The following ADGRB1 variants were observed in gnomAD, a reference collection of about 807,000 sequenced individuals.
ADGRB1 encodes the protein adhesion G protein-coupled receptor B1, also known as brain-specific angiogenesis inhibitor 1.
In ADGRB1, 36 loss-of-function variants were observed where a neutral mutation model predicts 175.7. The ratio of observed to expected loss-of-function variants is 0.20; its 90% CI spans 0.16 to 0.27. The LOEUF (loss-of-function observed/expected upper bound fraction) is 0.27. ADGRB1 is among the 10% of genes least tolerant of loss of function. The pLI is 1.00. For missense variants in ADGRB1, 1,731 were observed against 2,255.3 expected, an observed-to-expected ratio of 0.77 and a Z score of 4.71; for synonymous variants, 1,054 against 979.4, an observed-to-expected ratio of 1.08 and a Z score of -1.42.
chr8:142,479,086 T>G, intron 7 of ADGRB1: 2 of 419,746 alleles, frequency 4.8e-6, no homozygotes, highest in Non-Finnish European at 8.3e-6. Context: ...GTGTGGAGGG[T>G]GGTGGGGTTG....
rs2131949460 is a variant in ADGRB1 at position 142,499,678 on chromosome 8, C to T, written c.2675+8863C>T. 2.6e-5 allele frequency among the ~76,000 whole-genome samples: 4 copies of T among 152,344 alleles called. No individual in the cohort carries two copies. The South Asian group carries it at 8.3e-4, about 32-fold the overall frequency. On this transcript the variant is annotated intron_variant, in intron 17 of 30. Coordinates refer to ENST00000517894, the MANE Select transcript of ADGRB1 (RefSeq NM_001702.3). ...GGGTGGGGCTGCTCAGGCCCTGGGC[C>T]TCCGGGGGCCCCTTGCCTGCGTCCC...
rs757465664 is a variant in ADGRB1 at position 142,544,221 on chromosome 8, C to A, written c.4559C>A (p.Pro1520Gln). 1 of 1,548,676 alleles carries A rather than the reference C, an allele frequency of 6.5e-7. No individual in the cohort carries two copies. The highest frequency in any genetic ancestry group is 8.7e-7 in the Non-Finnish European group (1 of 1,146,644). The stretch of plus-strand genomic sequence containing the variant: ...CCTGCACCACGGGCCACCCAGCAGC[C>A]GGAAAAGCAGCAGACGCCCAACAAG... ...DKEVLGPDSKPEKQQTPNKRP... is the reference protein window; with the variant it reads ...DKEVLGPDSKQEKQQTPNKRP... The change falls in exon 31 of 31, where the codon CCG becomes CAG. Residue 1520 changes from proline (P) to glutamine (Q), a missense_variant and splice_region_variant. This residue lies in a region of ADGRB1 where 394 missense variants were observed against 410.2 expected (regional missense o/e 0.96). Transcript: ENST00000517894.
intron 1 of ADGRB1, among the ~76,000 whole-genome samples, chr8:142,459,372 T>G (rs1379238002): frequency 6.6e-6 from 1 of 151,674 alleles, no homozygotes; most frequent in Non-Finnish European, 1.5e-5. Context: ...GGGAGGAGGG[T>G]GAGCCAGCCC....
At chr8:142,472,275 TC>T (rs1205207132) in intron 2 of ADGRB1, among the ~76,000 whole-genome samples, 2 of 152,120 alleles carry the variant, frequency 1.3e-5, no homozygotes, top group African/African-American at 4.8e-5. Flanking sequence ...CCAGGAGGCC[TC>T]TCACCAAGCA....
chr8:142,526,525 C>CCCCA lies in ADGRB1; in HGVS notation c.3313-17_3313-16insCCCA. On this transcript the variant is annotated splice_polypyrimidine_tract_variant and intron_variant, in intron 23 of 30. Coordinates refer to ENST00000517894, the MANE Select transcript of ADGRB1 (RefSeq NM_001702.3). The stretch of plus-strand genomic sequence containing the variant: ...GCGGCCCCCACCCCCACACCCCCAC[C>CCCCA]ACTCTCTGCCCGGCAGGTGAACATG... 2 of 1,560,308 alleles carry CCCCA rather than the reference C, an allele frequency of 1.3e-6. No individual in the cohort carries two copies. The highest frequency in any genetic ancestry group is 1.7e-6 in the Non-Finnish European group (2 of 1,147,548).
At chr8:142,541,888 C>CA in intron 27 of ADGRB1, 53 bp from the exon 28 acceptor site, 4 of 1,485,418 alleles carry the variant, frequency 2.7e-6, no homozygotes, top group Non-Finnish European at 3.6e-6. Flanking sequence ...GACTGTCCTA[C>CA]GCCATCCTCA....
chr8:142,502,958 A>G (rs997920365), intron 17 of ADGRB1, among the ~76,000 whole-genome samples: 1 of 151,170 alleles, frequency 6.6e-6, no homozygotes, highest in Non-Finnish European at 1.5e-5. Flanking sequence ...AGTGGTGGTG[A>G]GACCTGGTGG....
chr8:142,506,084 A>T (rs1394914023), intron 17 of ADGRB1, among the ~76,000 whole-genome samples: 1 of 152,178 alleles, frequency 6.6e-6, no homozygotes, highest in African/African-American at 2.4e-5. Context: ...CACATGTGTG[A>T]GCAGCGTGCT....
chr8:142,539,298 C>T (rs563986954), intron 26 of ADGRB1, 76 bp from the exon 27 acceptor site: 124 of 1,470,936 alleles, frequency 8.4e-5, no homozygotes, highest in Admixed American at 7.5e-4. Context: ...GTGGCCCTCC[C>T]GAGCGGTCTG....
At chr8:142,531,462 G>A (rs1213356755) in intron 24 of ADGRB1, among the ~76,000 whole-genome samples, 1 of 152,232 alleles carries the variant, frequency 6.6e-6, no homozygotes, top group Non-Finnish European at 1.5e-5. Context: ...GGGTGCACAG[G>A]GAGCAGGGGC....
At chr8:142,489,878 C>A (rs750079882) in intron 16 of ADGRB1, among the ~76,000 whole-genome samples, 23 of 152,234 alleles carry the variant, frequency 1.5e-4, no homozygotes, top group African/African-American at 4.1e-4. Flanking sequence ...AGCGTCCCCC[C>A]AGAACTCCCT....
rs1376852039 is a variant in ADGRB1, at chr8:142,543,386, A to G, written c.4414-17A>G. The G allele has an allele frequency of 6.2e-7, 1 of 1,613,442 alleles. No homozygotes were observed. The highest frequency in any genetic ancestry group is 8.5e-7 in the Non-Finnish European group (1 of 1,179,738). Reference sequence around the variant, plus strand: ...AGGGACCCTTGGCGAATGTTCGCAAACCCCTTCTCCCTGCAGCGGCGGAAG... The same window carrying G: ...AGGGACCCTTGGCGAATGTTCGCAAGCCCCTTCTCCCTGCAGCGGCGGAAG... On this transcript the variant is annotated splice_polypyrimidine_tract_variant and intron_variant, in intron 28 of 30. Transcript: ENST00000517894. The surrounding 1 kb of genome is among the most constrained non-coding windows in gnomAD (Gnocchi z 4.4).
chr8:142,506,432 C>T (rs906146058), intron 17 of ADGRB1, among the ~76,000 whole-genome samples: 8 of 152,200 alleles, frequency 5.3e-5, no homozygotes, highest in African/African-American at 1.9e-4. Flanking sequence ...CCTGCTCTCA[C>T]CCTGGACACA....
In ADGRB1 at chr8:142,484,648, C is replaced by T; in HGVS notation, c.2200-8C>T. 1 of 1,605,248 alleles carries T rather than the reference C, an allele frequency of 6.2e-7. No individual in the cohort carries two copies. The highest frequency in any genetic ancestry group is 8.5e-7 in the Non-Finnish European group (1 of 1,176,730). On this transcript the variant is annotated splice_polypyrimidine_tract_variant and splice_region_variant and intron_variant, in intron 12 of 30. Coordinates refer to ENST00000517894, the MANE Select transcript of ADGRB1 (RefSeq NM_001702.3). ...CCTCCCTCGGCTGCTCACCCCCCTG[C>T]CCTCCAGGCGGGCCCCAACGCCAAG...
intron 9 of ADGRB1, 150 bp from the exon 10 acceptor site, chr8:142,481,104 G>A (rs190240945): frequency 4.7e-4 from 322 of 680,666 alleles, no homozygotes; most frequent in African/African-American, 4.3e-3. Context: ...AGGTCCCTGC[G>A]TGGACTCTGC....
intron 24 of ADGRB1, 98 bp downstream of exon 24, chr8:142,526,725 G>T: frequency 8.1e-7 from 1 of 1,233,202 alleles, no homozygotes; most frequent in South Asian, 1.3e-5. Flanking sequence ...CCCAATCTGA[G>T]ACTGCAGGTC....
chr8:142,464,657 C>G lies in ADGRB1; in HGVS notation c.459C>G (p.His153Gln). 6.6e-7 allele frequency: 1 copy of G among 1,521,958 alleles called. No individual in the cohort carries two copies. The highest frequency in any genetic ancestry group is 1.4e-5 in the African/African-American group (1 of 71,030). The allele number at this position is 1,521,958 out of a possible 1,614,324, so 94.3% of individuals were successfully genotyped here. ...TGCGGCGCCAGCAGCCGCCCCAGCA[C>G]GACGGGCTCCGGCCCCGGGCCGGGC... is the stretch of plus-strand genomic sequence containing the variant. ...LQMRRQQPPQHDGLRPRAGPP... is the reference protein window; with the variant it reads ...LQMRRQQPPQQDGLRPRAGPP... The change falls in exon 2 of 31, where the codon CAC becomes CAG. Residue 153 changes from histidine (H) to glutamine (Q), a missense_variant. By Grantham distance (24) the His-to-Gln change is conservative (BLOSUM62 0). Around this residue, in one of 8 missense-constraint regions of ADGRB1, gnomAD observed 383 missense variants for 383.1 expected, o/e 1.00. Transcript: ENST00000517894.
intron 2 of ADGRB1, 48 bp from the exon 3 acceptor site, chr8:142,475,426 C>A: frequency 2.4e-6 from 3 of 1,259,220 alleles, no homozygotes; most frequent in Non-Finnish European, 3.0e-6. Flanking sequence ...CCGTCCAGGC[C>A]ACGAGCCCCT....
chr8:142,497,114 C>A (rs1176725278), intron 17 of ADGRB1, among the ~76,000 whole-genome samples: 1 of 152,248 alleles, frequency 6.6e-6, no homozygotes. Context: ...TCTTTATTAA[C>A]CGATTTTACA....
Sources: gnomAD v4.1 joint callset for allele counts (sites outside exome capture counted in the v4.1 genomes callset) on GRCh38, gnomAD v4.1.1 for gene constraint, gnomAD v4.1.1 regional missense constraint, Gnocchi (gnomAD v3.1) non-coding constraint, MANE v1.5 for transcripts, NCBI Gene and HGNC (gene_info 2026-07-23, HGNC 2026-07-21) for gene names.